PIP5K1C: variants seen among roughly 807,000 people sequenced by gnomAD.
PIP5K1C encodes the protein phosphatidylinositol-4-phosphate 5-kinase type 1 gamma.
PIP5K1C carries 45 observed loss-of-function variants against 80.1 expected under a neutral mutation model. The ratio of observed to expected loss-of-function variants is 0.56; its 90% CI spans 0.44 to 0.72. The LOEUF is 0.72. PIP5K1C is among the 30% of genes least tolerant of loss of function. The probability of loss-of-function intolerance (pLI) is 0.00; values close to 1 mark genes in which losing one functional copy is unlikely to be tolerated. For synonymous variants in PIP5K1C, 498 were observed against 420.1 expected, an observed-to-expected ratio of 1.19 and a Z score of -2.27; for missense variants, 753 against 954.6, an observed-to-expected ratio of 0.79 and a Z score of 2.78.
intron 3 of PIP5K1C, 51 bp downstream of exon 3, chr19:3,664,771 C>T (rs781222030): frequency 1.2e-5 from 17 of 1,415,990 alleles, no homozygotes; most frequent in East Asian, 2.3e-5. Context: ...GGATCCCCCT[C>T]CCCTCTGCTC....
At chr19:3,673,120 C>T (rs1384679098) in intron 1 of PIP5K1C, among the ~76,000 whole-genome samples, 1 of 147,702 alleles carries the variant, frequency 6.8e-6, no homozygotes, top group Admixed American at 6.8e-5. Flanking sequence ...CCCTGTGTGG[C>T]CCCCTCCCTG....
intron 16 of PIP5K1C, among the ~76,000 whole-genome samples, 181 bp from the exon 17 acceptor site, chr19:3,633,701 C>T (rs1182113207): frequency 1.3e-5 from 2 of 152,058 alleles, no homozygotes; most frequent in African/African-American, 2.4e-5. Flanking sequence ...CCAACCTGGA[C>T]GGGCCTGGGG....
intron 2 of PIP5K1C, among the ~76,000 whole-genome samples, chr19:3,665,954 ACCCCTG>A (rs934063247): frequency 1.3e-5 from 2 of 151,606 alleles, no homozygotes; most frequent in African/African-American, 4.9e-5. Flanking sequence ...TGCAGCCCTG[ACCCCTG>A]CCCCTGCCCT....
In PIP5K1C at chr19:3,696,665, G is replaced by C. The variant is rs1238293400; in HGVS notation, c.94+3632C>G. On this transcript the variant is annotated intron_variant, in intron 1 of 17. Coordinates refer to ENST00000335312, the MANE Select transcript of PIP5K1C (RefSeq NM_012398.3). This position sits in a 1 kb window ranked among gnomAD's most constrained non-coding sequence, Gnocchi z 4.1. Reference sequence around the variant, plus strand: ...GGGCAGGACCATGCCCTGCATGCTGGAGGAACAGCAAGGGGCCCATGGGCC... The same window carrying C: ...GGGCAGGACCATGCCCTGCATGCTGCAGGAACAGCAAGGGGCCCATGGGCC... 2.0e-5 allele frequency among the ~76,000 whole-genome samples: 3 copies of C among 146,934 alleles called. No individual in the cohort carries two copies. The highest frequency in any genetic ancestry group is 4.5e-5 in the Non-Finnish European group (3 of 67,148).
chr19:3,688,008 G>C lies in PIP5K1C; in HGVS notation c.94+12289C>G, dbSNP rs775903074. On this transcript the variant is annotated intron_variant, in intron 1 of 17. Transcript: ENST00000335312. The surrounding 1 kb of genome is among the most constrained non-coding windows in gnomAD (Gnocchi z 5.3). ...CGGGCGGGCCGGGGCAGGAGGCTGT[G>C]GGGCGTGGCCAGCCCGCAGGTGGCG... Among the ~76,000 whole-genome samples, 1 of 152,240 alleles carries C rather than the reference G, an allele frequency of 6.6e-6. No individual in the cohort carries two copies. The highest frequency in any genetic ancestry group is 2.4e-5 in the African/African-American group (1 of 41,474).
intron 14 of PIP5K1C, among the ~76,000 whole-genome samples, chr19:3,642,397 G>C (rs534194034): frequency 1.3e-5 from 2 of 152,378 alleles, no homozygotes; most frequent in East Asian, 3.9e-4. Context: ...GCACGCAGGC[G>C]TGACAGGAAC....
chr19:3,650,544 G>A (rs2034399565), intron 8 of PIP5K1C, among the ~76,000 whole-genome samples: 1 of 152,226 alleles, frequency 6.6e-6, no homozygotes, highest in Non-Finnish European at 1.5e-5. Context: ...TCAGCACCCT[G>A]CAGTGCCCAG....
intron 16 of PIP5K1C, among the ~76,000 whole-genome samples, chr19:3,633,875 C>T (rs1322019811): frequency 6.6e-6 from 1 of 152,174 alleles, no homozygotes; most frequent in Non-Finnish European, 1.5e-5. Flanking sequence ...CACAGCCCGG[C>T]CCCACCACAG....
chr19:3,690,676 G>A (rs948997855), intron 1 of PIP5K1C, among the ~76,000 whole-genome samples: 8 of 152,110 alleles, frequency 5.3e-5, no homozygotes, highest in South Asian at 2.1e-4. Flanking sequence ...AACAATCATC[G>A]TAGGAGAAGA....
chr19:3,650,200 C>T (rs543354678), intron 8 of PIP5K1C, among the ~76,000 whole-genome samples: 1 of 152,368 alleles, frequency 6.6e-6, no homozygotes, highest in Admixed American at 6.5e-5. Flanking sequence ...CCAGCCAGCA[C>T]CGTCCCTGGG....
Position 3,637,398 on chromosome 19 carries a change from T to G in PIP5K1C, c.1920+1486A>C, listed in dbSNP as rs2033736246. On this transcript the variant is annotated intron_variant, in intron 16 of 17. Transcript: ENST00000335312. The surrounding 1 kb of genome is among the most constrained non-coding windows in gnomAD (Gnocchi z 7.0). The stretch of plus-strand genomic sequence containing the variant: ...CGGGGCCAGCGTGGCTGACCTCAAT[T>G]GCAGCCGTGATTTACCCAAAGCCCT... 1 of 1,535,394 alleles carries G rather than the reference T, an allele frequency of 6.5e-7. No individual in the cohort carries two copies.
In PIP5K1C at chr19:3,643,225, TGCGGATGCCTCGCCCACCTGTACC is replaced by T. The variant is rs759703366; in HGVS notation, c.1643_1649+17del. The T allele has an allele frequency of 5.6e-6, 9 of 1,611,252 alleles. No homozygotes were observed. The highest frequency in any genetic ancestry group is 6.8e-6 in the Non-Finnish European group (8 of 1,179,514). On this transcript the variant is annotated splice_donor_variant and splice_donor_5th_base_variant and coding_sequence_variant and intron_variant, in exon 13 of 18. Coordinates refer to ENST00000335312, the MANE Select transcript of PIP5K1C (RefSeq NM_012398.3). LOFTEE classifies it high-confidence loss of function. Reference sequence around the variant, plus strand: ...CAGCGGATGCCCCGCCCACATGCACTGCGGATGCCTCGCCCACCTGTACCGCGGCTGCTCCGACGTCTCCGAGGG... The same window carrying T: ...CAGCGGATGCCCCGCCCACATGCACTGCGGCTGCTCCGACGTCTCCGAGGG...
Position 3,636,585 on chromosome 19 carries a change from C to T in PIP5K1C, c.1920+2299G>A, listed in dbSNP as rs991029453. ...CCTCCTCCCAGCAGGCCCCTCTGGGCAGCTCCTGGACGATCTCCGGGGCAC... is the reference window on the plus strand; with the variant it reads ...CCTCCTCCCAGCAGGCCCCTCTGGGTAGCTCCTGGACGATCTCCGGGGCAC... On this transcript the variant is annotated intron_variant, in intron 16 of 17. Coordinates refer to ENST00000335312, the MANE Select transcript of PIP5K1C (RefSeq NM_012398.3). The T allele has an allele frequency of 6.1e-6, 6 of 985,496 alleles. No individual in the cohort carries two copies. In the East Asian group the frequency reaches 4.5e-4, roughly 74 times the overall value. The allele number at this position is 985,496 out of a possible 1,614,324, so 61.0% of individuals were successfully genotyped here.
chr19:3,674,783 G>A (rs1017263421), intron 1 of PIP5K1C, among the ~76,000 whole-genome samples: 2 of 152,206 alleles, frequency 1.3e-5, no homozygotes, highest in Non-Finnish European at 2.9e-5. Flanking sequence ...TGACAGACAT[G>A]AGCCACCGTG....
rs2034326707 is a variant in PIP5K1C at position 3,648,549 on chromosome 19, T to G, written c.1211+76A>C. ...AGACCCGGGCGCCCACCTGTGGGGC[T>G]GCAGACCCGGGCGCCCACCTGTGGG... is the stretch of plus-strand genomic sequence containing the variant. On this transcript the variant is annotated intron_variant, in intron 9 of 17. Coordinates refer to ENST00000335312, the MANE Select transcript of PIP5K1C (RefSeq NM_012398.3). This position sits in a 1 kb window ranked among gnomAD's most constrained non-coding sequence, Gnocchi z 4.3. 2 of 1,085,154 alleles carry G rather than the reference T, an allele frequency of 1.8e-6. No homozygotes were observed. Among genetic ancestry groups the G allele is most frequent in the Non-Finnish European group, 2.7e-6 (2 of 741,094 alleles). The allele number at this position is 1,085,154 out of a possible 1,614,324, so 67.2% of individuals were successfully genotyped here.
In PIP5K1C at chr19:3,644,151, G is replaced by A. The variant is rs555514349; in HGVS notation, c.1446C>T (p.Ser482=). 1.4e-5 allele frequency: 22 copies of A among 1,611,996 alleles called. No homozygotes were observed. Among genetic ancestry groups the A allele is most frequent in the East Asian group, 1.3e-4 (6 of 44,884 alleles). The change falls in exon 12 of 18, where the codon AGC becomes AGT. Residue 482 remains serine, a synonymous_variant. Transcript: ENST00000335312. ...TAAFSASQIP[S]EREEAQYDLR... is the part of the protein sequence containing the mutation. ...GGTCGTACTGGGCCTCCTCCCGCTC[G>A]CTAGGGATCTGGCTGGCCGAGAAGG... is the stretch of plus-strand genomic sequence containing the variant.
chr19:3,637,505 C>T lies in PIP5K1C; in HGVS notation c.1920+1379G>A. The T allele has an allele frequency of 6.5e-7, 1 of 1,535,666 alleles. No homozygotes were observed. Among genetic ancestry groups the T allele is most frequent in the Non-Finnish European group, 8.7e-7 (1 of 1,146,784 alleles). On this transcript the variant is annotated intron_variant, in intron 16 of 17. Transcript: ENST00000335312. The surrounding 1 kb of genome is among the most constrained non-coding windows in gnomAD (Gnocchi z 7.0). ...TGCTGCCCGAGGGGCACTGCCCCTTCTCCCCAGGGTGGCCGGCTGCGGTCA... is the reference window on the plus strand; with the variant it reads ...TGCTGCCCGAGGGGCACTGCCCCTTTTCCCCAGGGTGGCCGGCTGCGGTCA...
chr19:3,653,279 C>T lies in PIP5K1C; in HGVS notation c.921+11G>A, dbSNP rs1329304196. 30 of 1,602,756 alleles carry T rather than the reference C, an allele frequency of 1.9e-5. No homozygotes were observed. The highest frequency in any genetic ancestry group is 1.6e-4 in the Middle Eastern group (1 of 6,072). On this transcript the variant is annotated intron_variant, in intron 7 of 17. Coordinates refer to ENST00000335312, the MANE Select transcript of PIP5K1C (RefSeq NM_012398.3). ...GCCACCCTCCCTCCCCGGCCGGGGCCGAGCCCTCACCAGGCAGTCCCGCTG... is the reference window on the plus strand; with the variant it reads ...GCCACCCTCCCTCCCCGGCCGGGGCTGAGCCCTCACCAGGCAGTCCCGCTG...
chr19:3,698,438 C>T (rs546262208), intron 1 of PIP5K1C, among the ~76,000 whole-genome samples: 12 of 152,210 alleles, frequency 7.9e-5, no homozygotes, highest in African/African-American at 2.4e-4. Context: ...CTCTACAAAC[C>T]GATACCAACA....
Sources: allele counts gnomAD v4.1 joint callset (sites outside exome capture counted in the v4.1 genomes callset), GRCh38; gene constraint gnomAD v4.1.1; non-coding constraint Gnocchi (gnomAD v3.1); transcripts MANE v1.5; gene names NCBI Gene and HGNC (gene_info 2026-07-23, HGNC 2026-07-21).